The following SOX5 variants were observed in gnomAD, a reference collection of about 807,000 sequenced individuals.
SOX5 encodes SRY-box transcription factor 5.
SOX5 carries 9 observed loss-of-function variants against 92.0 expected under a neutral mutation model. The ratio of observed to expected loss-of-function variants is 0.10; its 90% confidence interval spans 0.06 to 0.17. The LOEUF (loss-of-function observed/expected upper bound fraction) is 0.17, where lower values mean the gene tolerates loss of function less well. Among genes scored for constraint, SOX5 ranks in the 10% least tolerant of loss-of-function variants. SOX5 has a pLI of 1.00. For synonymous variants in SOX5, 344 were observed against 336.3 expected (o/e 1.02, Z -0.25); for missense variants, 642 against 944.5 (o/e 0.68, Z 4.20).
chr12:23,936,324 A>T (rs1942552849), intron 1 of SOX5, among the ~76,000 whole-genome samples: 1 of 150,912 alleles, frequency 6.6e-6, no homozygotes, highest in African/African-American at 2.4e-5. Context: ...AAGTAAATCT[A>T]ATTTCCCATT....
At chr12:24,349,170 A>G (rs1047963984) in intron 2 of SOX5, among the ~76,000 whole-genome samples, 18 of 152,196 alleles carry the variant, frequency 1.2e-4, no homozygotes, top group Admixed American at 2.0e-4. Context: ...CTGGCTTCTC[A>G]GCATGGTTCA....
chr12:24,562,456 G>T, exon 1 of SOX5: 1 of 152,538 alleles, frequency 6.6e-6, no homozygotes, highest in Non-Finnish European at 1.5e-5. Flanking sequence ...CTCTGTGTGT[G>T]TGTGTCTGTG....
chr12:23,543,680 T>A (rs80109263), intron 12 of SOX5, among the ~76,000 whole-genome samples: 1 of 152,180 alleles, frequency 6.6e-6, no homozygotes, highest in East Asian at 1.9e-4. Context: ...TGATTTTTGA[T>A]GCAATTCGGA....
At chr12:23,821,919 T>C (rs1402424154) in intron 3 of SOX5, among the ~76,000 whole-genome samples, 1 of 129,422 alleles carries the variant, frequency 7.7e-6, no homozygotes, top group African/African-American at 2.8e-5. Context: ...GAGGTGTTTA[T>C]AGTATTCTCC....
At chr12:24,504,454 A>C (rs191770111) in intron 1 of SOX5, among the ~76,000 whole-genome samples, 2 of 152,378 alleles carry the variant, frequency 1.3e-5, no homozygotes, top group East Asian at 3.9e-4. Flanking sequence ...TTTAAGAGAA[A>C]AAGTCATTTC....
chr12:24,548,654 G>C (rs1171049492), intron 1 of SOX5, among the ~76,000 whole-genome samples: 8 of 152,132 alleles, frequency 5.3e-5, no homozygotes, highest in Non-Finnish European at 1.2e-4. Context: ...TAGTGGAATG[G>C]GGATGGAGGG....
exon 3 of SOX5, chr12:24,277,305 G>A (rs1485440365): frequency 6.6e-6 from 1 of 151,578 alleles, no homozygotes; most frequent in Non-Finnish European, 1.5e-5. Context: ...TCATCAGCAA[G>A]AGGAAAGCTG....
Position 23,820,485 on chromosome 12 carries a change from T to C in SOX5, c.481+25498A>G, listed in dbSNP as rs562011367. Among the ~76,000 whole-genome samples the C allele has an allele frequency of 1.8e-3, 272 of 152,370 alleles. 1 individual carries two copies. The highest frequency in any genetic ancestry group is 6.2e-3 in the African/African-American group (257 of 41,592). On this transcript the variant is annotated intron_variant, in intron 3 of 14. Transcript: ENST00000451604. ...GCAATTGCTTTTGGTGTTTCAGTCA[T>C]GAAATCTTTGCCCATGCCTATGTCC...
intron 4 of SOX5, among the ~76,000 whole-genome samples, chr12:24,140,069 C>T (rs1346832588): frequency 6.6e-6 from 1 of 152,118 alleles, no homozygotes; most frequent in Non-Finnish European, 1.5e-5. Context: ...AGCAAATTCA[C>T]CCTGGTTGCG....
At chr12:23,931,822 C>G (rs1941470749) in intron 1 of SOX5, among the ~76,000 whole-genome samples, 1 of 151,512 alleles carries the variant, frequency 6.6e-6, no homozygotes, top group Non-Finnish European at 1.5e-5. Context: ...TAACAAAATA[C>G]ACTTATACAA....
At chr12:24,094,874 T>G (rs563303009) in intron 4 of SOX5, among the ~76,000 whole-genome samples, 36 of 152,294 alleles carry the variant, frequency 2.4e-4, no homozygotes, top group Admixed American at 1.9e-3. Flanking sequence ...CTAAATCTTT[T>G]AGCTTTATAA....
chr12:23,909,828 T>C (rs1408749597), intron 1 of SOX5, among the ~76,000 whole-genome samples: 1 of 81,720 alleles, frequency 1.2e-5, no homozygotes, highest in Non-Finnish European at 2.5e-5. Flanking sequence ...TACCACATGC[T>C]AGAACATTTT....
rs1314604811 is a variant in SOX5, at chr12:23,534,175, G to A, written c.*44C>T. On this transcript the variant is annotated 3_prime_UTR_variant, in exon 15 of 15. Transcript: ENST00000451604. ...GCCACTGGTAAGGATGAACCAGTTA[G>A]GGCTTCTTTAAGTCCTAAGGTCACA... The A allele has an allele frequency of 6.5e-7, 1 of 1,548,162 alleles. No homozygotes were observed. Among genetic ancestry groups the A allele is most frequent in the South Asian group, 1.2e-5 (1 of 85,220 alleles).
chr12:24,542,136 C>G (rs1346344206), intron 1 of SOX5, among the ~76,000 whole-genome samples: 1 of 152,186 alleles, frequency 6.6e-6, no homozygotes, highest in Non-Finnish European at 1.5e-5. Flanking sequence ...TGATATATGA[C>G]CCCTGCCTCC....
intron 6 of SOX5, among the ~76,000 whole-genome samples, chr12:23,719,613 C>T (rs1463954935): frequency 6.6e-5 from 10 of 151,650 alleles, no homozygotes. Flanking sequence ...ATTAGCTGGG[C>T]ATGGATGGTG....
chr12:23,864,703 A>G (rs2096792818), intron 2 of SOX5, among the ~76,000 whole-genome samples: 1 of 152,214 alleles, frequency 6.6e-6, no homozygotes, highest in Non-Finnish European at 1.5e-5. Context: ...AGGAAGCTGT[A>G]GAAGAAAAGT....
At chr12:23,679,337 G>T (rs1208020097) in intron 6 of SOX5, among the ~76,000 whole-genome samples, 1 of 152,090 alleles carries the variant, frequency 6.6e-6, no homozygotes, top group African/African-American at 2.4e-5. Flanking sequence ...GGCAATTAAG[G>T]TGAGGATACC....
chr12:24,277,511 AATAT>A (rs1303689146), intron 2 of SOX5, among the ~76,000 whole-genome samples: 1 of 120,492 alleles, frequency 8.3e-6, no homozygotes, highest in African/African-American at 2.6e-5. Context: ...TAAATATATA[AATAT>A]ATATTTATAT....
intron 4 of SOX5, among the ~76,000 whole-genome samples, chr12:23,974,701 A>G (rs1189829917): frequency 6.6e-6 from 1 of 152,194 alleles, no homozygotes; most frequent in Non-Finnish European, 1.5e-5. Flanking sequence ...AATATAAGGG[A>G]AAATTCATTT....
Sources: gnomAD v4.1 joint callset for allele counts (sites outside exome capture counted in the v4.1 genomes callset) on GRCh38, gnomAD v4.1.1 for gene constraint, MANE v1.5 for transcripts, NCBI Gene and HGNC (gene_info 2026-07-23, HGNC 2026-07-21) for gene names.